CPQ: variants seen among roughly 807,000 people sequenced by gnomAD.
The protein encoded by CPQ is carboxypeptidase Q.
Under a neutral mutation model 45.7 loss-of-function variants are expected in CPQ, and 37 were observed. The observed-to-expected ratio is 0.81, with a 90% CI of 0.62 to 1.07. The LOEUF (loss-of-function observed/expected upper bound fraction) is 1.07. Among genes scored for constraint, CPQ ranks in the 50% least tolerant of loss-of-function variants. CPQ has a pLI of 0.00. For synonymous variants in CPQ, 186 were observed against 205.8 expected (o/e 0.90, Z 0.82); for missense variants, 537 against 572.9 (o/e 0.94, Z 0.64).
chr8:96,771,262 G>T (rs1810540556), intron 1 of CPQ, among the ~76,000 whole-genome samples: 1 of 151,458 alleles, frequency 6.6e-6, no homozygotes, highest in Non-Finnish European at 1.5e-5. Context: ...ATTCTATTGT[G>T]CTCTTTACCT....
intron 5 of CPQ, among the ~76,000 whole-genome samples, chr8:97,007,318 T>C (rs1389059683): frequency 1.3e-5 from 2 of 152,234 alleles, no homozygotes; most frequent in Non-Finnish European, 2.9e-5. Context: ...TATCTTTGAG[T>C]TCTAGTGTCC....
intron 1 of CPQ, among the ~76,000 whole-genome samples, chr8:96,698,806 C>G (rs1809419958): frequency 6.6e-6 from 1 of 152,100 alleles, no homozygotes. Context: ...GTTACAATGG[C>G]TTTTATCCAA....
intron 1 of CPQ, among the ~76,000 whole-genome samples, chr8:96,730,851 A>G (rs999708703): frequency 4.9e-4 from 69 of 142,194 alleles, no homozygotes; most frequent in African/African-American, 1.7e-3. Context: ...GATCTAGATC[A>G]ATTAACCATA....
At chr8:97,130,146 C>G (rs1563589439) in intron 7 of CPQ, among the ~76,000 whole-genome samples, 1 of 152,140 alleles carries the variant, frequency 6.6e-6, no homozygotes, top group South Asian at 2.1e-4. Flanking sequence ...CATCATGAGG[C>G]CTTTTTACCA....
rs541341471 is a variant in CPQ, at chr8:96,740,911, G to T, written c.-34-43953G>T. On this transcript the variant is annotated intron_variant, in intron 1 of 7. Coordinates refer to ENST00000220763, the MANE Select transcript of CPQ (RefSeq NM_016134.4). ...TGCATCAATGTTCATCAAGGATATT[G>T]GTCTAAAATTCTCTTTTTTGGTTGT... is the stretch of plus-strand genomic sequence containing the variant. 2.0e-5 allele frequency among the ~76,000 whole-genome samples: 3 copies of T among 152,100 alleles called. No individual in the cohort carries two copies. In the South Asian group the frequency reaches 6.2e-4, roughly 32 times the overall value.
At chr8:96,904,267 A>C (rs1345258143) in intron 4 of CPQ, among the ~76,000 whole-genome samples, 3 of 152,306 alleles carry the variant, frequency 2.0e-5, no homozygotes, top group African/African-American at 7.2e-5. Flanking sequence ...TTCATGACAT[A>C]AATAGGGCCA....
At chr8:96,901,254 C>T (rs1392717536) in intron 4 of CPQ, among the ~76,000 whole-genome samples, 1 of 152,182 alleles carries the variant, frequency 6.6e-6, no homozygotes, top group Non-Finnish European at 1.5e-5. Context: ...AGTCTCAGAG[C>T]TGCTCATGGG....
At chr8:97,021,498 G>C (rs1809682034) in intron 5 of CPQ, among the ~76,000 whole-genome samples, 1 of 152,110 alleles carries the variant, frequency 6.6e-6, no homozygotes, top group African/African-American at 2.4e-5. Context: ...ACTGATACAA[G>C]AATTCAGAAA....
intron 1 of CPQ, among the ~76,000 whole-genome samples, chr8:96,714,994 A>G (rs1057437740): frequency 6.6e-6 from 1 of 152,194 alleles, no homozygotes; most frequent in African/African-American, 2.4e-5. Flanking sequence ...GAGCAGGTTC[A>G]TAGTCTCTTG....
chr8:96,866,216 T>C (rs1811993243), intron 3 of CPQ, among the ~76,000 whole-genome samples: 2 of 152,066 alleles, frequency 1.3e-5, no homozygotes, highest in Admixed American at 1.3e-4. Context: ...CTAGAAACTT[T>C]TTGTGGCCAG....
At position 96,690,856 on chromosome 8, in the gene CPQ, A is replaced by G. The variant is rs553531875; in HGVS notation, c.-35+45454A>G. ...GGCCACATTATGGCTTCCTTTTCCC[A>G]TTTCATGAAAATATGACTACATCTA... On this transcript the variant is annotated intron_variant, in intron 1 of 7. Transcript: ENST00000220763. Among the ~76,000 whole-genome samples, 408 of 152,280 alleles carry G rather than the reference A, an allele frequency of 2.7e-3. 1 individual carries two copies. The highest frequency in any genetic ancestry group is 4.5e-3 in the Non-Finnish European group (309 of 68,022).
intron 3 of CPQ, among the ~76,000 whole-genome samples, chr8:96,868,503 A>T (rs1812022927): frequency 6.6e-6 from 1 of 152,026 alleles, no homozygotes; most frequent in Non-Finnish European, 1.5e-5. Flanking sequence ...ATATACATAC[A>T]TAAACACTCA....
At chr8:96,986,185 C>G (rs1028687752) in intron 5 of CPQ, among the ~76,000 whole-genome samples, 4 of 152,106 alleles carry the variant, frequency 2.6e-5, no homozygotes, top group Non-Finnish European at 5.9e-5. Flanking sequence ...GTAAGTGGTC[C>G]AGGAATGAGT....
chr8:96,822,042 C>T (rs1301426468), intron 2 of CPQ, among the ~76,000 whole-genome samples: 5 of 151,908 alleles, frequency 3.3e-5, no homozygotes, highest in Non-Finnish European at 4.4e-5. Context: ...GTCCTTTGAC[C>T]AACTTCTTCC....
At chr8:97,141,226 A>G (rs113535471) in intron 7 of CPQ, among the ~76,000 whole-genome samples, 3 of 152,244 alleles carry the variant, frequency 2.0e-5, no homozygotes, top group African/African-American at 7.2e-5. Flanking sequence ...ATTCATCAAA[A>G]CACACACTAA....
At chr8:96,932,847 A>G (rs777031884) in intron 4 of CPQ, among the ~76,000 whole-genome samples, 3 of 152,192 alleles carry the variant, frequency 2.0e-5, no homozygotes, top group Non-Finnish European at 4.4e-5. Flanking sequence ...TGTGCAATAG[A>G]TATTTGTTGG....
chr8:96,925,856 A>AT (rs778027952), intron 4 of CPQ, among the ~76,000 whole-genome samples: 1 of 150,518 alleles, frequency 6.6e-6, no homozygotes, highest in Admixed American at 6.7e-5. Flanking sequence ...CGCCCAGCTA[A>AT]TTTTTTGTAT....
chr8:97,127,164 G>C (rs1455765548), intron 7 of CPQ, among the ~76,000 whole-genome samples: 1 of 152,036 alleles, frequency 6.6e-6, no homozygotes, highest in Non-Finnish European at 1.5e-5. Flanking sequence ...TGATAAGTTG[G>C]ACATCATCGT....
At chr8:96,651,717 A>T (rs1815578698) in intron 1 of CPQ, among the ~76,000 whole-genome samples, 1 of 152,084 alleles carries the variant, frequency 6.6e-6, no homozygotes, top group Non-Finnish European at 1.5e-5. Context: ...ATTATTAATC[A>T]AAAAATTATG....
Sources: gnomAD v4.1 joint callset for allele counts (sites outside exome capture counted in the v4.1 genomes callset) on GRCh38, gnomAD v4.1.1 for gene constraint, MANE v1.5 for transcripts, NCBI Gene and HGNC (gene_info 2026-07-23, HGNC 2026-07-21) for gene names.